The following CD9 variants were observed in gnomAD, a reference collection of about 807,000 sequenced individuals.
CD9 encodes the protein CD9 molecule.
CD9 carries 10 observed loss-of-function variants against 31.4 expected under a neutral mutation model. The ratio of observed to expected loss-of-function variants is 0.32; its 90% CI spans 0.20 to 0.54. The LOEUF (loss-of-function observed/expected upper bound fraction) is 0.54. CD9 is among the 20% of genes least tolerant of loss of function. The pLI, the probability that CD9 is intolerant of heterozygous loss-of-function variation, is 0.94. For missense variants in CD9, 259 were observed against 300.1 expected, an observed-to-expected ratio of 0.86 and a Z score of 1.01; for synonymous variants, 113 against 114.1, an observed-to-expected ratio of 0.99 and a Z score of 0.06.
chr12:6,223,406 C>CGTGAGCCACTGCACCCA (rs1946318404), intron 1 of CD9, among the ~76,000 whole-genome samples: 1 of 152,132 alleles, frequency 6.6e-6, no homozygotes, highest in African/African-American at 2.4e-5. Context: ...GGACTACAGG[C>CGTGAGCCACTGCACCCA]GCCCGCCACC....
intron 4 of CD9, 144 bp downstream of exon 4, chr12:6,233,630 C>A: frequency 1.5e-6 from 1 of 664,110 alleles, no homozygotes; most frequent in Non-Finnish European, 2.7e-6. Flanking sequence ...TGTGTGCCAG[C>A]GAATGTGCCC....
chr12:6,237,803 T>G lies in CD9; in HGVS notation c.662T>G (p.Ile221Ser). ...TTCAGTATGATCTTGTGCTGTGCTA[T>G]CCGCAGGAACCGCGAGATGGTCTAG... Reference protein sequence around the residue: ...MIFSMILCCAIRRNREMV With the variant: ...MIFSMILCCASRRNREMV Residue 221 changes from isoleucine to serine, a missense_variant, in exon 8 of 8, where the codon ATC (isoleucine) becomes AGC (serine). By Grantham distance (142) the Ile-to-Ser change is moderately radical (BLOSUM62 -2). Transcript: ENST00000009180. 6.8e-6 allele frequency: 11 copies of G among 1,613,632 alleles called. No individual in the cohort carries two copies. The highest frequency in any genetic ancestry group is 1.3e-5 in the African/African-American group (1 of 75,058).
At chr12:6,213,730 A>G (rs1329192580) in intron 1 of CD9, among the ~76,000 whole-genome samples, 1 of 152,130 alleles carries the variant, frequency 6.6e-6, no homozygotes, top group Non-Finnish European at 1.5e-5. Context: ...TAGGAAGTGG[A>G]AGGAAGGTAG....
At chr12:6,214,643 C>G (rs192096878) in intron 1 of CD9, among the ~76,000 whole-genome samples, 2 of 152,272 alleles carry the variant, frequency 1.3e-5, no homozygotes, top group East Asian at 3.9e-4. Flanking sequence ...GCCTGACCAT[C>G]AGCCTCTGAG....
intron 1 of CD9, among the ~76,000 whole-genome samples, chr12:6,211,721 A>G (rs971322320): frequency 3.7e-4 from 57 of 152,192 alleles, no homozygotes; most frequent in African/African-American, 1.4e-3. Context: ...ACAATCCCCC[A>G]CATCAGATGA....
intron 1 of CD9, among the ~76,000 whole-genome samples, chr12:6,204,532 C>T (rs1390854863): frequency 1.3e-5 from 2 of 152,162 alleles, no homozygotes; most frequent in Non-Finnish European, 2.9e-5. Context: ...TCTCAGTTCC[C>T]TCTCCTCACC....
chr12:6,224,865 C>T (rs1946341985), intron 1 of CD9: 1 of 152,394 alleles, frequency 6.6e-6, no homozygotes. Flanking sequence ...GTGTCCGGAA[C>T]TGTGTAACCA....
At chr12:6,203,834 T>C (rs1351422088) in intron 1 of CD9, among the ~76,000 whole-genome samples, 1 of 152,160 alleles carries the variant, frequency 6.6e-6, no homozygotes, top group African/African-American at 2.4e-5. Flanking sequence ...CTGCCCTCTT[T>C]CTGGTCAGAG....
At chr12:6,213,844 C>G (rs1460808903) in intron 1 of CD9, among the ~76,000 whole-genome samples, 1 of 152,202 alleles carries the variant, frequency 6.6e-6, no homozygotes, top group Non-Finnish European at 1.5e-5. Context: ...TTCCCTCCCT[C>G]CCTCTTGGCC....
intron 1 of CD9, among the ~76,000 whole-genome samples, chr12:6,223,458 T>C (rs1159615625): frequency 6.6e-6 from 1 of 152,126 alleles, no homozygotes; most frequent in Admixed American, 6.5e-5. Flanking sequence ...AGACGGGGTT[T>C]CACTGTGTTA....
At chr12:6,230,239 A>C (rs1480405231) in intron 2 of CD9, among the ~76,000 whole-genome samples, 1 of 152,200 alleles carries the variant, frequency 6.6e-6, no homozygotes, top group Non-Finnish European at 1.5e-5. Flanking sequence ...TAGGCACTGC[A>C]GATCCGTAGC....
At chr12:6,205,089 T>C (rs1313553575) in intron 1 of CD9, among the ~76,000 whole-genome samples, 1 of 152,206 alleles carries the variant, frequency 6.6e-6, no homozygotes, top group Non-Finnish European at 1.5e-5. Context: ...GTCTGCCTTT[T>C]CCCCCAGAAG....
intron 1 of CD9, among the ~76,000 whole-genome samples, chr12:6,221,813 CAAAAAAA>C (rs34034952): frequency 0.011 from 659 of 62,096 alleles, 9 homozygotes; most frequent in East Asian, 0.049. Flanking sequence ...CCTGGCTCTA[CAAAAAAA>C]AAAAAAAAAA....
chr12:6,220,854 G>A (rs1946285578), intron 1 of CD9, among the ~76,000 whole-genome samples: 1 of 152,178 alleles, frequency 6.6e-6, no homozygotes, highest in South Asian at 2.1e-4. Context: ...TCACAACTAG[G>A]AAACCACCGT....
intron 1 of CD9, among the ~76,000 whole-genome samples, chr12:6,205,357 C>A (rs979652800): frequency 6.6e-6 from 1 of 152,216 alleles, no homozygotes; most frequent in Non-Finnish European, 1.5e-5. Flanking sequence ...TTCTCTACCC[C>A]CTTCTTTTCA....
intron 4 of CD9, 62 bp from the exon 5 acceptor site, chr12:6,235,167 T>C (rs775988316): frequency 4.2e-6 from 5 of 1,194,378 alleles, no homozygotes; most frequent in Non-Finnish European, 4.9e-6. Flanking sequence ...ACGCATAACA[T>C]TTGTTCGTGG....
intron 1 of CD9, among the ~76,000 whole-genome samples, chr12:6,218,614 T>G (rs1946264465): frequency 6.6e-6 from 1 of 152,234 alleles, no homozygotes; most frequent in African/African-American, 2.4e-5. Context: ...CCGTTACACT[T>G]TGATGTTTTT....
At chr12:6,221,355 C>T (rs1412201607) in intron 1 of CD9, among the ~76,000 whole-genome samples, 1 of 152,194 alleles carries the variant, frequency 6.6e-6, no homozygotes, top group Non-Finnish European at 1.5e-5. Flanking sequence ...CGCATCCCCG[C>T]CCGACCAGCT....
rs1946543144 is a variant in CD9, at chr12:6,238,038, T to G, written c.*210T>G. 8.8e-6 allele frequency: 4 copies of G among 454,134 alleles called. No individual in the cohort carries two copies. Among genetic ancestry groups the G allele is most frequent in the African/African-American group, 2.0e-5 (1 of 49,862 alleles). The allele number at this position is 454,134 out of a possible 1,614,324, so 28.1% of individuals were successfully genotyped here. A position where few individuals can be genotyped will look rare whatever the true frequency, so the allele number is the denominator to read the frequency against. ...TTGACATTTGTAGTTGAGCGGGGGG[T>G]TTGGTTTGCTTTGGTTTATATTTTT... On this transcript the variant is annotated 3_prime_UTR_variant, in exon 8 of 8. Coordinates refer to ENST00000009180, the MANE Select transcript of CD9 (RefSeq NM_001769.4).
Sources: gnomAD v4.1 joint callset for allele counts (sites outside exome capture counted in the v4.1 genomes callset) on GRCh38, gnomAD v4.1.1 for gene constraint, MANE v1.5 for transcripts, NCBI Gene and HGNC (gene_info 2026-07-23, HGNC 2026-07-21) for gene names.